Variants in HCFC2 observed in about 807,000 individuals in gnomAD.
HCFC2 encodes the protein host cell factor 2.
A neutral mutation model predicts 89.2 loss-of-function variants in HCFC2; 18 were observed. That is an observed-to-expected ratio of 0.20 (90% CI 0.14 to 0.30). HCFC2 has a LOEUF of 0.30. Among genes scored for constraint, HCFC2 ranks in the 10% least tolerant of loss-of-function variants. HCFC2 has a pLI of 1.00. For synonymous variants in HCFC2, 308 were observed against 335.7 expected, an observed-to-expected ratio of 0.92 and a Z score of 0.90; for missense variants, 578 against 956.1, an observed-to-expected ratio of 0.60 and a Z score of 5.21.
At position 104,102,058 on chromosome 12, in the gene HCFC2, A is replaced by T. The variant is rs2029957657; in HGVS notation, c.1969A>T (p.Asn657Tyr). The part of the protein sequence containing the change: ...TGYRFRVAAI[N>Y]GCGIGPFSKI... ...ATACAGATTCAGGGTTGCTGCAATC[A>T]ATGGTTGTGGGATAGGTCCTTTCAG... Residue 657 changes from asparagine (N) to tyrosine (Y), a missense_variant, in exon 14 of 15, where the codon AAT becomes TAT. Transcript: ENST00000229330. 6.2e-7 allele frequency: 1 copy of T among 1,614,000 alleles called. No individual in the cohort carries two copies. Among genetic ancestry groups the T allele is most frequent in the Non-Finnish European group, 8.5e-7 (1 of 1,179,982 alleles).
intron 1 of HCFC2, among the ~76,000 whole-genome samples, chr12:104,065,647 G>A (rs1883084265): frequency 3.3e-5 from 5 of 152,178 alleles, no homozygotes. Flanking sequence ...CCCAGCATAT[G>A]AAGGTAAAAA....
chr12:104,071,065 C>A (rs1273183911), intron 3 of HCFC2, among the ~76,000 whole-genome samples: 3 of 152,142 alleles, frequency 2.0e-5, no homozygotes, highest in Non-Finnish European at 4.4e-5. Context: ...CTCAGCCTAC[C>A]AAAGTGCTGG....
intron 9 of HCFC2, among the ~76,000 whole-genome samples, chr12:104,089,953 C>T (rs1395748283): frequency 6.6e-6 from 1 of 152,090 alleles, no homozygotes; most frequent in African/African-American, 2.4e-5. Context: ...CCTGGAGCCC[C>T]CTGTCCTTAT....
chr12:104,066,046 T>C, intron 1 of HCFC2, 121 bp from the exon 2 acceptor site: 1 of 947,948 alleles, frequency 1.1e-6, no homozygotes. Context: ...TTACCAAATG[T>C]CTTCTGGGGG....
chr12:104,102,730 T>A (rs1489037332), intron 14 of HCFC2, among the ~76,000 whole-genome samples: 1 of 152,212 alleles, frequency 6.6e-6, no homozygotes, highest in Non-Finnish European at 1.5e-5. Context: ...TTTGGGATAT[T>A]ACAGGCAGAC....
Position 104,102,046 on chromosome 12 carries a change from G to C in HCFC2, c.1957G>C (p.Val653Leu). ...TCCAGGCACAGGATACAGATTCAGG[G>C]TTGCTGCAATCAATGGTTGTGGGAT... The part of the protein sequence containing the change: ...LVPGTGYRFR[V>L]AAINGCGIGP... The change falls in exon 14 of 15, where the codon GTT (valine) becomes CTT (leucine). Residue 653 changes from valine (V) to leucine (L), a missense_variant. Val to Leu is a conservative substitution (Grantham distance 32). Coordinates refer to ENST00000229330, the MANE Select transcript of HCFC2 (RefSeq NM_013320.3). 6.2e-7 allele frequency: 1 copy of C among 1,614,028 alleles called. No individual in the cohort carries two copies. Among genetic ancestry groups the C allele is most frequent in the Non-Finnish European group, 8.5e-7 (1 of 1,179,922 alleles).
intron 3 of HCFC2, among the ~76,000 whole-genome samples, chr12:104,076,582 G>T (rs1462159421): frequency 1.3e-5 from 2 of 152,102 alleles, no homozygotes; most frequent in Non-Finnish European, 2.9e-5. Context: ...TAGATTTGGG[G>T]TTCTTGTATT....
chr12:104,093,320 T>G, intron 9 of HCFC2, 66 bp from the exon 10 acceptor site: 1 of 1,142,326 alleles, frequency 8.8e-7, no homozygotes, highest in African/African-American at 1.6e-5. Context: ...ATTTTGCTTG[T>G]TTTTTACATG....
At position 104,104,992 on chromosome 12, in the gene HCFC2, T is replaced by C. The variant is rs1015657920; in HGVS notation, c.*1719T>C. On this transcript the variant is annotated 3_prime_UTR_variant, in exon 15 of 15. Transcript: ENST00000229330. ...TCATTCTGCATTTGTTTAATTCATATGCTTTGCTTTTGGCATATGCTTGCT... is the reference window on the plus strand; with the variant it reads ...TCATTCTGCATTTGTTTAATTCATACGCTTTGCTTTTGGCATATGCTTGCT... The C allele has an allele frequency of 3.3e-5, 5 of 152,068 alleles. No homozygotes were observed. The highest frequency in any genetic ancestry group is 1.2e-4 in the African/African-American group (5 of 41,446). 9.4% of individuals were successfully genotyped at this position (152,068 alleles called of 1,614,324 possible). A position where few individuals can be genotyped will look rare whatever the true frequency, so the allele number is the denominator to read the frequency against.
intron 5 of HCFC2, among the ~76,000 whole-genome samples, chr12:104,081,231 C>A (rs1390740924): frequency 6.6e-6 from 1 of 152,130 alleles, no homozygotes; most frequent in East Asian, 1.9e-4. Context: ...ACTCTGTGAC[C>A]AGATTGCCTA....
At chr12:104,101,939 C>A (rs371047654) in intron 13 of HCFC2, 29 bp from the exon 14 acceptor site, 66 of 1,447,482 alleles carry the variant, frequency 4.6e-5, no homozygotes, top group Non-Finnish European at 5.8e-5. Flanking sequence ...TGTACCTTTT[C>A]TTTGACTTTT....
At chr12:104,098,295 C>A in intron 12 of HCFC2, 48 bp from the exon 13 acceptor site, 1 of 1,490,552 alleles carries the variant, frequency 6.7e-7, no homozygotes, top group Non-Finnish European at 9.1e-7. Context: ...TGAAATTTTT[C>A]GTATATTCAA....
rs1236479890 is a variant in HCFC2, at chr12:104,073,987, G to A, written c.474-5458G>A. On this transcript the variant is annotated intron_variant, in intron 3 of 14. Transcript: ENST00000229330. ...TGCAATAGATTTTATGGCCTATGAA[G>A]CCTAAAATATTTACTATCGGACCCT... Among the ~76,000 whole-genome samples the A allele has an allele frequency of 2.6e-5, 4 of 152,262 alleles. No individual in the cohort carries two copies. In the East Asian group the frequency reaches 7.7e-4, roughly 29 times the overall value.
In HCFC2 at chr12:104,102,943, T is replaced by TG; in HGVS notation, c.2065-16_2065-15insG. On this transcript the variant is annotated splice_polypyrimidine_tract_variant and intron_variant, in intron 14 of 14. Transcript: ENST00000229330. ...ACTTAAGAACCTTTAACCTGTTTTT[T>TG]CCCCCCCCCTTCAAGAATGTTGAAG... The TG allele has an allele frequency of 3.9e-6, 6 of 1,547,864 alleles. No individual in the cohort carries two copies. Among genetic ancestry groups the TG allele is most frequent in the East Asian group, 2.3e-5 (1 of 43,038 alleles).
intron 3 of HCFC2, among the ~76,000 whole-genome samples, chr12:104,074,190 G>C (rs1883425045): frequency 6.6e-6 from 1 of 152,196 alleles, no homozygotes; most frequent in Non-Finnish European, 1.5e-5. Context: ...TGGGGCTGGA[G>C]TACAGTGGCA....
intron 3 of HCFC2, among the ~76,000 whole-genome samples, chr12:104,072,704 G>T (rs987182110): frequency 1.3e-5 from 2 of 151,404 alleles, no homozygotes; most frequent in Non-Finnish European, 2.9e-5. Context: ...GTGCAGTGGC[G>T]CAATCTCAGC....
At chr12:104,080,648 A>AT in intron 4 of HCFC2, 98 bp from the exon 5 acceptor site, 1 of 668,264 alleles carries the variant, frequency 1.5e-6, no homozygotes, top group Non-Finnish European at 2.5e-6. Context: ...ACTTTGTTTC[A>AT]TTTTGGTAAG....
chr12:104,077,539 G>A (rs1883536591), intron 3 of HCFC2, among the ~76,000 whole-genome samples: 1 of 149,380 alleles, frequency 6.7e-6, no homozygotes, highest in Admixed American at 6.7e-5. Flanking sequence ...ACCGTGCCTG[G>A]CCCCTGGCCT....
intron 3 of HCFC2, among the ~76,000 whole-genome samples, chr12:104,075,677 C>CTTGAA (rs908828779): frequency 1.3e-5 from 2 of 152,164 alleles, no homozygotes; most frequent in African/African-American, 4.8e-5. Context: ...CCAGGCTGGT[C>CTTGAA]TTGAACTCCT....
Sources: allele counts gnomAD v4.1 joint callset (sites outside exome capture counted in the v4.1 genomes callset), GRCh38; gene constraint gnomAD v4.1.1; transcripts MANE v1.5; gene names NCBI Gene and HGNC (gene_info 2026-07-23, HGNC 2026-07-21).